The following CDCP1 variants were observed in gnomAD, a reference collection of about 807,000 sequenced individuals.
CDCP1 encodes the protein CUB domain-containing protein 1.
Under a neutral mutation model 60.2 loss-of-function variants are expected in CDCP1, and 29 were observed. The observed-to-expected ratio is 0.48, with a 90% CI of 0.36 to 0.66. The LOEUF (loss-of-function observed/expected upper bound fraction) is 0.66. CDCP1 is among the 30% of genes least tolerant of loss of function. The probability of loss-of-function intolerance (pLI) is 0.00; values close to 1 mark genes in which losing one functional copy is unlikely to be tolerated. For missense variants in CDCP1, 876 were observed against 1,074.3 expected, an observed-to-expected ratio of 0.82 and a Z score of 2.58; for synonymous variants, 387 against 431.1, an observed-to-expected ratio of 0.90 and a Z score of 1.27.
Position 45,091,381 on chromosome 3 carries a change from G to T in CDCP1, c.1785C>A (p.Ser595Arg), listed in dbSNP as rs145933687. ...CGCGCCCTGTCTGGCAGACCACGCCGCTCCGCTCCTTAAAGAAAGTCAGGC... is the reference window on the plus strand; with the variant it reads ...CGCGCCCTGTCTGGCAGACCACGCCTCTCCGCTCCTTAAAGAAAGTCAGGC... ...VACLTFFKERSGVVCQTGRAF... is the reference protein window; with the variant it reads ...VACLTFFKERRGVVCQTGRAF... Residue 595 changes from serine (S) to arginine (R), a missense_variant, in exon 7 of 9, where the codon AGC becomes AGA. By Grantham distance (110) the Ser-to-Arg change is moderately radical. Coordinates refer to ENST00000296129, the MANE Select transcript of CDCP1 (RefSeq NM_022842.5). The surrounding 1 kb of genome is among the most constrained non-coding windows in gnomAD (Gnocchi z 4.8). 6.2e-7 allele frequency: 1 copy of T among 1,614,128 alleles called. No individual in the cohort carries two copies. Among genetic ancestry groups the T allele is most frequent in the Admixed American group, 1.7e-5 (1 of 60,026 alleles).
intron 4 of CDCP1, among the ~76,000 whole-genome samples, chr3:45,098,121 C>T (rs1279626136): frequency 6.6e-6 from 1 of 152,078 alleles, no homozygotes; most frequent in Non-Finnish European, 1.5e-5. Context: ...TCTCCCCACC[C>T]GCTCTTCCCT....
chr3:45,094,470 G>A (rs943460991), intron 5 of CDCP1, among the ~76,000 whole-genome samples: 2 of 152,096 alleles, frequency 1.3e-5, no homozygotes, highest in Non-Finnish European at 2.9e-5. Context: ...CCAACCTCAA[G>A]TTATCTGCCT....
intron 1 of CDCP1, among the ~76,000 whole-genome samples, chr3:45,131,245 C>T (rs1259555553): frequency 6.6e-6 from 1 of 151,026 alleles, no homozygotes; most frequent in Non-Finnish European, 1.5e-5. Context: ...GGGAAAAAAG[C>T]ACCTATAAAT....
intron 4 of CDCP1, among the ~76,000 whole-genome samples, chr3:45,097,183 T>C (rs1698414550): frequency 6.6e-6 from 1 of 151,770 alleles, no homozygotes; most frequent in African/African-American, 2.4e-5. Context: ...GGTGGGCGCC[T>C]GTAATCCCAG....
At position 45,091,477 on chromosome 3, in the gene CDCP1, G is replaced by T. The variant is rs1698295371; in HGVS notation, c.1689C>A (p.Asn563Lys). Residue 563 changes from asparagine (N) to lysine (K), a missense_variant, in exon 7 of 9, where the codon AAC (asparagine) becomes AAA (lysine). By Grantham distance (94) the Asn-to-Lys change is moderately conservative. Coordinates refer to ENST00000296129, the MANE Select transcript of CDCP1 (RefSeq NM_022842.5). This position sits in a 1 kb window ranked among gnomAD's most constrained non-coding sequence, Gnocchi z 4.8. ...TKSKVYLRTP[N>K]WDRGLPSLTS... Reference sequence around the variant, plus strand: ...TGAGGGATGGCAGGCCCCGGTCCCAGTTGGGGGTCCTCAGGTAGACCTTGC... The same window carrying T: ...TGAGGGATGGCAGGCCCCGGTCCCATTTGGGGGTCCTCAGGTAGACCTTGC... The T allele has an allele frequency of 6.2e-7, 1 of 1,610,218 alleles. No homozygotes were observed. The highest frequency in any genetic ancestry group is 8.5e-7 in the Non-Finnish European group (1 of 1,178,142).
chr3:45,119,035 A>G (rs1698839790), intron 1 of CDCP1, among the ~76,000 whole-genome samples: 1 of 152,172 alleles, frequency 6.6e-6, no homozygotes, highest in African/African-American at 2.4e-5. Flanking sequence ...TTTATCTGCA[A>G]AGAGCTGCTG....
At position 45,118,393 on chromosome 3, in the gene CDCP1, C is replaced by T; in HGVS notation, c.292+19G>A. 2 of 1,572,636 alleles carry T rather than the reference C, an allele frequency of 1.3e-6. No individual in the cohort carries two copies. The highest frequency in any genetic ancestry group is 2.2e-5 in the South Asian group (2 of 90,158). ...ACATTTAAAAGACATTGTCAAACAG[C>T]TCACAAGTGTCTACTTACCAATATT... On this transcript the variant is annotated intron_variant, in intron 2 of 8. Coordinates refer to ENST00000296129, the MANE Select transcript of CDCP1 (RefSeq NM_022842.5).
At chr3:45,145,264 C>A (rs1414995239) in intron 1 of CDCP1, among the ~76,000 whole-genome samples, 1 of 152,158 alleles carries the variant, frequency 6.6e-6, no homozygotes, top group Non-Finnish European at 1.5e-5. Context: ...CAAGGGGAAT[C>A]AAACCCACAT....
At chr3:45,122,142 G>A (rs1267046022) in intron 1 of CDCP1, among the ~76,000 whole-genome samples, 1 of 130,588 alleles carries the variant, frequency 7.7e-6, no homozygotes, top group Non-Finnish European at 1.6e-5. Context: ...TGTATAATCT[G>A]TATTTTTTTT....
At chr3:45,139,858 T>C (rs1699254398) in intron 1 of CDCP1, among the ~76,000 whole-genome samples, 1 of 152,222 alleles carries the variant, frequency 6.6e-6, no homozygotes, top group Admixed American at 6.5e-5. Context: ...AGGAGTTGAC[T>C]GTCTACCTGT....
chr3:45,110,850 A>G lies in CDCP1; in HGVS notation c.656-9T>C. 1.2e-6 allele frequency: 2 copies of G among 1,602,052 alleles called. No homozygotes were observed. Among genetic ancestry groups the G allele is most frequent in the Non-Finnish European group, 1.7e-6 (2 of 1,171,936 alleles). On this transcript the variant is annotated splice_polypyrimidine_tract_variant and intron_variant, in intron 3 of 8. Transcript: ENST00000296129. ...CTCGATGATGCACAGACCTAGTGGG[A>G]GTGGAACCCAAACCAGAAAGAATAG...
intron 4 of CDCP1, among the ~76,000 whole-genome samples, chr3:45,109,119 T>A (rs925987456): frequency 6.6e-6 from 1 of 151,076 alleles, no homozygotes; most frequent in Non-Finnish European, 1.5e-5. Context: ...CTGGCTAATT[T>A]TTGACTTTTT....
chr3:45,091,216 C>T lies in CDCP1; in HGVS notation c.1950G>A (p.Gln650=). ...ISNCSPTSGK[Q]LDLLFSVTLT... ...GTGTCACCGAGAAGAGCAGGTCTAGCTGCTTGCCGCTCGTGGGGCTGCAGT... is the reference window on the plus strand; with the variant it reads ...GTGTCACCGAGAAGAGCAGGTCTAGTTGCTTGCCGCTCGTGGGGCTGCAGT... Residue 650 remains glutamine, a synonymous_variant, in exon 7 of 9, where the codon CAG becomes CAA. Transcript: ENST00000296129. The surrounding 1 kb of genome is among the most constrained non-coding windows in gnomAD (Gnocchi z 4.8). The T allele has an allele frequency of 6.2e-7, 1 of 1,613,882 alleles. No homozygotes were observed. Among genetic ancestry groups the T allele is most frequent in the Middle Eastern group, 1.6e-4 (1 of 6,062 alleles).
intron 8 of CDCP1, among the ~76,000 whole-genome samples, chr3:45,086,727 A>G (rs1698201876): frequency 6.6e-6 from 1 of 152,258 alleles, no homozygotes; most frequent in Non-Finnish European, 1.5e-5. Context: ...GAGTTCTTCA[A>G]TAACACCATT....
intron 1 of CDCP1, among the ~76,000 whole-genome samples, chr3:45,141,778 ATAAT>A (rs1261725662): frequency 6.6e-6 from 1 of 152,186 alleles, no homozygotes; most frequent in African/African-American, 2.4e-5. Context: ...GTGGTTTGAA[ATAAT>A]TTGATTATGG....
chr3:45,132,946 G>A (rs756180189), intron 1 of CDCP1, among the ~76,000 whole-genome samples: 1 of 152,156 alleles, frequency 6.6e-6, no homozygotes, highest in Non-Finnish European at 1.5e-5. Context: ...CATGTTGAAC[G>A]GTACTGTTAA....
At chr3:45,108,278 C>T (rs1247668136) in intron 4 of CDCP1, among the ~76,000 whole-genome samples, 1 of 152,062 alleles carries the variant, frequency 6.6e-6, no homozygotes, top group Admixed American at 6.6e-5. Context: ...CAGTCCAGCC[C>T]AACCTAAATT....
intron 2 of CDCP1, among the ~76,000 whole-genome samples, chr3:45,114,413 C>CTTTTTTTT (rs10688307): frequency 5.6e-5 from 8 of 143,944 alleles, no homozygotes; most frequent in Non-Finnish European, 4.5e-5. Flanking sequence ...CATTAACTCT[C>CTTTTTTTT]TTTTTTTTTT....
intron 2 of CDCP1, among the ~76,000 whole-genome samples, chr3:45,114,585 C>G (rs6773587): frequency 6.6e-6 from 1 of 151,780 alleles, no homozygotes; most frequent in Admixed American, 6.6e-5. Context: ...TGGGTAATTT[C>G]TTTTGTATTT....
Sources: gnomAD v4.1 joint callset for allele counts (sites outside exome capture counted in the v4.1 genomes callset) on GRCh38, gnomAD v4.1.1 for gene constraint, Gnocchi (gnomAD v3.1) non-coding constraint, MANE v1.5 for transcripts, NCBI Gene and HGNC (gene_info 2026-07-23, HGNC 2026-07-21) for gene names.